CEP89: variants seen among roughly 807,000 people sequenced by gnomAD.
CEP89 encodes the protein centrosomal protein 89.
In CEP89, 95 loss-of-function variants were observed where a neutral mutation model predicts 97.6. That is an observed-to-expected ratio of 0.97 (90% confidence interval 0.82 to 1.15). The LOEUF (loss-of-function observed/expected upper bound fraction) is 1.15. Ranked by LOEUF, CEP89 falls within the 50% of genes most tolerant of loss-of-function variation. The pLI is 0.00. For missense variants in CEP89, 869 were observed against 947.7 expected, an observed-to-expected ratio of 0.92 and a Z score of 1.09; for synonymous variants, 354 against 349.1, an observed-to-expected ratio of 1.01 and a Z score of -0.16.
intron 3 of CEP89, among the ~76,000 whole-genome samples, chr19:32,959,398 C>T (rs940060733): frequency 6.6e-6 from 1 of 152,140 alleles, no homozygotes; most frequent in East Asian, 1.9e-4. Context: ...ACCTTCCTGA[C>T]CCCCTAGCCC....
At chr19:32,903,857 TGTAGA>T (rs1198773905) in intron 14 of CEP89, among the ~76,000 whole-genome samples, 1 of 152,210 alleles carries the variant, frequency 6.6e-6, no homozygotes, top group African/African-American at 2.4e-5. Context: ...ATGAACTTCA[TGTAGA>T]GTAAAGAAAC....
chr19:32,947,518 T>G (rs1401798289), intron 5 of CEP89, among the ~76,000 whole-genome samples: 1 of 151,762 alleles, frequency 6.6e-6, no homozygotes, highest in African/African-American at 2.4e-5. Context: ...TGAGATGGGG[T>G]TTCACTCTGT....
rs1355136917 is a variant in CEP89 at position 32,882,024 on chromosome 19, G to A, written c.1966-11C>T. The A allele has an allele frequency of 6.4e-7, 1 of 1,555,698 alleles. No homozygotes were observed. The highest frequency in any genetic ancestry group is 2.4e-5 in the East Asian group (1 of 41,946). ...CTGCTTCTTGTAGCCCTGGTCGGGG[G>A]AAGGACTCTGTGAATGAGGGGACGC... On this transcript the variant is annotated splice_polypyrimidine_tract_variant and intron_variant, in intron 17 of 18. Transcript: ENST00000305768.
At chr19:32,911,424 G>A (rs1969997768) in intron 14 of CEP89, among the ~76,000 whole-genome samples, 1 of 152,200 alleles carries the variant, frequency 6.6e-6, no homozygotes, top group African/African-American at 2.4e-5. Context: ...GGAAGGCCAA[G>A]GTGAGTGGAC....
At chr19:32,911,211 G>A (rs944244333) in intron 14 of CEP89, among the ~76,000 whole-genome samples, 3 of 152,242 alleles carry the variant, frequency 2.0e-5, no homozygotes, top group African/African-American at 7.2e-5. Flanking sequence ...ATTGTTGACT[G>A]AAGCATTGTT....
rs1412152540 is a variant in CEP89 at position 32,942,431 on chromosome 19, G to A, written c.596-2546C>T. 2.0e-5 allele frequency among the ~76,000 whole-genome samples: 3 copies of A among 152,272 alleles called. No homozygotes were observed. In the East Asian group the frequency reaches 5.8e-4, roughly 29 times the overall value. ...TATAGAAGTGGGGAGATGCATAGGT[G>A]GACAAGTGGGAGTTCATTTTACTAG... On this transcript the variant is annotated intron_variant, in intron 5 of 18. Transcript: ENST00000305768.
chr19:32,934,919 C>T (rs1970549426), intron 7 of CEP89, among the ~76,000 whole-genome samples: 2 of 152,112 alleles, frequency 1.3e-5, no homozygotes, highest in Non-Finnish European at 2.9e-5. Flanking sequence ...TCGAGACCGG[C>T]CTGAGCAACA....
intron 9 of CEP89, among the ~76,000 whole-genome samples, chr19:32,930,918 C>A (rs776922613): frequency 1.3e-5 from 2 of 151,958 alleles, no homozygotes; most frequent in Non-Finnish European, 2.9e-5. Context: ...CAGGGTCTTG[C>A]TCTGTCACCC....
At chr19:32,935,744 T>C (rs1156800962) in intron 7 of CEP89, among the ~76,000 whole-genome samples, 1 of 152,130 alleles carries the variant, frequency 6.6e-6, no homozygotes, top group Non-Finnish European at 1.5e-5. Context: ...CCCAAGCCTC[T>C]TGCTCCATGG....
intron 2 of CEP89, 25 bp downstream of exon 2, chr19:32,966,334 TC>T: frequency 7.4e-7 from 1 of 1,359,716 alleles, no homozygotes; most frequent in Non-Finnish European, 1.0e-6. Flanking sequence ...AGGGGTGACC[TC>T]AGTGCCTGCT....
At chr19:32,883,675 A>AAAAT (rs1434748714) in intron 17 of CEP89, among the ~76,000 whole-genome samples, 1 of 152,190 alleles carries the variant, frequency 6.6e-6, no homozygotes, top group Non-Finnish European at 1.5e-5. Context: ...ACTCTGTCTA[A>AAAAT]AAACAAACAA....
chr19:32,953,642 G>T lies in CEP89; in HGVS notation c.465C>A (p.Asp155Glu). 6.2e-7 allele frequency: 1 copy of T among 1,613,758 alleles called. No individual in the cohort carries two copies. The change falls in exon 4 of 19, where the codon GAC becomes GAA. Residue 155 changes from aspartate (D) to glutamate (E), a missense_variant. Transcript: ENST00000305768. ...AREDRGGHSD[D>E]LYAVPHRNQV... is the part of the protein sequence containing the mutation. ...GATTTCTGTGTGGCACAGCGTACAGGTCATCACTGTGGCCTCCTCTGTCCT... is the reference window on the plus strand; with the variant it reads ...GATTTCTGTGTGGCACAGCGTACAGTTCATCACTGTGGCCTCCTCTGTCCT...
chr19:32,882,629 T>C (rs560070329), intron 17 of CEP89, among the ~76,000 whole-genome samples: 1 of 152,010 alleles, frequency 6.6e-6, no homozygotes, highest in South Asian at 2.1e-4. Flanking sequence ...TCTACAACTG[T>C]ATTTTTTCCA....
chr19:32,903,684 G>A lies in CEP89; in HGVS notation c.1566-2272C>T, dbSNP rs116170969. On this transcript the variant is annotated intron_variant, in intron 14 of 18. Coordinates refer to ENST00000305768, the MANE Select transcript of CEP89 (RefSeq NM_032816.5). Reference sequence around the variant, plus strand: ...AGACACTGTCTGATTGAAGCCCAGAGAGAAACAAGTGTGGGCTAAAAGTGA... The same window carrying A: ...AGACACTGTCTGATTGAAGCCCAGAAAGAAACAAGTGTGGGCTAAAAGTGA... 2.0e-5 allele frequency among the ~76,000 whole-genome samples: 3 copies of A among 152,172 alleles called. No individual in the cohort carries two copies. In the East Asian group the frequency reaches 5.8e-4, roughly 29 times the overall value.
rs144568145 is a variant in CEP89 at position 32,932,325 on chromosome 19, T to C, written c.887-754A>G. Among the ~76,000 whole-genome samples, 503 of 151,886 alleles carry C rather than the reference T, an allele frequency of 3.3e-3. 3 individuals carry two copies. The highest frequency in any genetic ancestry group is 5.7e-3 in the Non-Finnish European group (390 of 67,952). Reference sequence around the variant, plus strand: ...ACAAGGTAACAGCACAAATAATATATAGTATCTAAAAATAAATGTGCCTAA... The same window carrying C: ...ACAAGGTAACAGCACAAATAATATACAGTATCTAAAAATAAATGTGCCTAA... On this transcript the variant is annotated intron_variant, in intron 8 of 18. Coordinates refer to ENST00000305768, the MANE Select transcript of CEP89 (RefSeq NM_032816.5).
chr19:32,882,096 C>T, intron 17 of CEP89, 83 bp from the exon 18 acceptor site: 3 of 1,194,992 alleles, frequency 2.5e-6, no homozygotes, highest in Non-Finnish European at 3.5e-6. Flanking sequence ...TCCCTACCCA[C>T]TCCTTGTGTG....
chr19:32,971,752 GCCAAA>G, intron 1 of CEP89, 79 bp downstream of exon 1: 1 of 1,428,316 alleles, frequency 7.0e-7, no homozygotes, highest in African/African-American at 1.4e-5. Context: ...TGGATCTCAG[GCCAAA>G]CCCCAACCCG....
At chr19:32,931,330 T>A (rs1484496421) in intron 9 of CEP89, 99 bp downstream of exon 9, 1 of 1,140,874 alleles carries the variant, frequency 8.8e-7, no homozygotes, top group African/African-American at 1.6e-5. Context: ...TTTTCTTACA[T>A]CAAATTATAA....
intron 10 of CEP89, 98 bp downstream of exon 10, chr19:32,926,836 A>G: frequency 9.8e-7 from 1 of 1,019,504 alleles, no homozygotes; most frequent in South Asian, 1.4e-5. Flanking sequence ...TGCTGGGATT[A>G]CAGACATGAG....
Sources: gnomAD v4.1 joint callset for allele counts (sites outside exome capture counted in the v4.1 genomes callset) on GRCh38, gnomAD v4.1.1 for gene constraint, MANE v1.5 for transcripts, NCBI Gene and HGNC (gene_info 2026-07-23, HGNC 2026-07-21) for gene names.